Variants in BRINP1 observed in about 807,000 individuals in gnomAD.
BRINP1 encodes the protein BMP/retinoic acid-inducible neural-specific protein 1.
Under a neutral mutation model 72.9 loss-of-function variants are expected in BRINP1, and 17 were observed. That is an observed-to-expected ratio of 0.23 (90% CI 0.16 to 0.35). The LOEUF (loss-of-function observed/expected upper bound fraction) is 0.35, where lower values mean the gene tolerates loss of function less well. Among genes scored for constraint, BRINP1 ranks in the 10% least tolerant of loss-of-function variants. The pLI, the probability that BRINP1 is intolerant of heterozygous loss-of-function variation, is 1.00. For missense variants in BRINP1, 850 were observed against 1,001.6 expected, an observed-to-expected ratio of 0.85 and a Z score of 2.04; for synonymous variants, 418 against 378.5, an observed-to-expected ratio of 1.10 and a Z score of -1.21.
chr9:119,285,335 G>A (rs766116449), intron 2 of BRINP1, among the ~76,000 whole-genome samples: 2 of 152,194 alleles, frequency 1.3e-5, no homozygotes, highest in Non-Finnish European at 2.9e-5. Context: ...GGATGGCAGA[G>A]GGGAATCAAG....
In BRINP1 at chr9:119,329,735, A is replaced by G. The variant is rs117379186; in HGVS notation, c.-50-16330T>C. Among the ~76,000 whole-genome samples the G allele has an allele frequency of 7.1e-3, 1,081 of 152,354 alleles. 12 individuals are homozygous for G. Among genetic ancestry groups the G allele is most frequent in the Non-Finnish European group, 8.3e-3 (566 of 68,030 alleles). The stretch of plus-strand genomic sequence containing the variant: ...GAGGTAACACCAGTAAATTATTTTA[A>G]TAAAACAGGCATAATTCACTGAGCC... On this transcript the variant is annotated intron_variant, in intron 1 of 7. Transcript: ENST00000265922.
chr9:119,252,877 C>A (rs1415382052), intron 2 of BRINP1, among the ~76,000 whole-genome samples: 1 of 152,170 alleles, frequency 6.6e-6, no homozygotes, highest in Non-Finnish European at 1.5e-5. Flanking sequence ...AAACAGCCAT[C>A]ACAGTCTTTG....
intron 7 of BRINP1, 29 bp downstream of exon 7, chr9:119,208,690 G>A: frequency 1.3e-6 from 2 of 1,597,420 alleles, no homozygotes; most frequent in Non-Finnish European, 8.6e-7. Context: ...GTAGGTGCCT[G>A]CAGAGGTGGA....
intron 5 of BRINP1, among the ~76,000 whole-genome samples, chr9:119,225,816 T>C (rs554996170): frequency 6.6e-6 from 1 of 152,126 alleles, no homozygotes; most frequent in Admixed American, 6.6e-5. Flanking sequence ...TTGCACAACA[T>C]TGTGAATGTA....
intron 2 of BRINP1, among the ~76,000 whole-genome samples, chr9:119,270,697 C>T (rs1428418023): frequency 3.3e-5 from 5 of 152,256 alleles, no homozygotes; most frequent in Non-Finnish European, 7.4e-5. Context: ...CAGGTTTATA[C>T]ACAATATACT....
intron 1 of BRINP1, among the ~76,000 whole-genome samples, chr9:119,351,236 GC>G (rs1831505173): frequency 6.6e-6 from 1 of 152,040 alleles, no homozygotes; most frequent in Non-Finnish European, 1.5e-5. Flanking sequence ...AAACTTCCAA[GC>G]TTACATTTTA....
At chr9:119,280,250 T>A (rs1830696243) in intron 2 of BRINP1, among the ~76,000 whole-genome samples, 1 of 151,696 alleles carries the variant, frequency 6.6e-6, no homozygotes, top group Non-Finnish European at 1.5e-5. Context: ...TTTTTTCTTT[T>A]TTTTTTAAGT....
At chr9:119,330,630 G>T (rs1347032104) in intron 1 of BRINP1, among the ~76,000 whole-genome samples, 1 of 152,100 alleles carries the variant, frequency 6.6e-6, no homozygotes, top group African/African-American at 2.4e-5. Context: ...TAAGGCCCAG[G>T]TTCTAACACA....
chr9:119,281,524 G>T (rs942064902), intron 2 of BRINP1, among the ~76,000 whole-genome samples: 1 of 152,164 alleles, frequency 6.6e-6, no homozygotes, highest in Non-Finnish European at 1.5e-5. Context: ...AGGTATCATA[G>T]ATTCTCTATG....
At chr9:119,184,910 C>G (rs1829599321) in intron 7 of BRINP1, among the ~76,000 whole-genome samples, 1 of 152,136 alleles carries the variant, frequency 6.6e-6, no homozygotes, top group Non-Finnish European at 1.5e-5. Context: ...TGACTGTATA[C>G]TGAGTGAGAA....
chr9:119,363,443 C>A (rs186905819), intron 1 of BRINP1, among the ~76,000 whole-genome samples: 6 of 152,240 alleles, frequency 3.9e-5, no homozygotes, highest in Admixed American at 1.3e-4. Context: ...TGCTCTTTCC[C>A]CACAAAATTA....
chr9:119,319,443 A>G (rs1440015537), intron 1 of BRINP1, among the ~76,000 whole-genome samples: 2 of 152,216 alleles, frequency 1.3e-5, no homozygotes, highest in Non-Finnish European at 2.9e-5. Context: ...TGACTTTATT[A>G]ATGGAAATGG....
At chr9:119,325,051 G>C (rs1340800286) in intron 1 of BRINP1, among the ~76,000 whole-genome samples, 1 of 151,906 alleles carries the variant, frequency 6.6e-6, no homozygotes, top group Non-Finnish European at 1.5e-5. Flanking sequence ...AGTGAGCTGA[G>C]ATCACGCCAT....
intron 5 of BRINP1, among the ~76,000 whole-genome samples, chr9:119,228,133 C>G (rs569402993): frequency 4.6e-5 from 7 of 151,968 alleles, no homozygotes; most frequent in Admixed American, 6.6e-5. Flanking sequence ...CCCTCTACCC[C>G]CTTCTTCACT....
chr9:119,349,618 A>T (rs549714713), intron 1 of BRINP1, among the ~76,000 whole-genome samples: 17 of 152,324 alleles, frequency 1.1e-4, no homozygotes, highest in African/African-American at 4.1e-4. Context: ...TTTTTTAATT[A>T]AAAGTGAAGG....
intron 7 of BRINP1, among the ~76,000 whole-genome samples, chr9:119,200,835 T>C (rs908405875): frequency 5.3e-5 from 8 of 151,590 alleles, no homozygotes; most frequent in African/African-American, 1.9e-4. Flanking sequence ...GAAGCTACCA[T>C]AGTGAAGAAC....
intron 5 of BRINP1, among the ~76,000 whole-genome samples, chr9:119,225,354 A>G (rs1435914427): frequency 1.3e-5 from 2 of 152,022 alleles, no homozygotes; most frequent in Non-Finnish European, 2.9e-5. Flanking sequence ...GATTGGTCCT[A>G]GAATCCCACC....
intron 7 of BRINP1, among the ~76,000 whole-genome samples, chr9:119,179,012 A>C (rs1172262782): frequency 6.6e-6 from 1 of 152,136 alleles, no homozygotes; most frequent in Admixed American, 6.5e-5. Context: ...GGGGCTCCCG[A>C]CAAGTGCATA....
chr9:119,190,154 T>A (rs1588159182), intron 7 of BRINP1, among the ~76,000 whole-genome samples: 2 of 151,766 alleles, frequency 1.3e-5, no homozygotes, highest in South Asian at 4.2e-4. Context: ...TATGAAAACC[T>A]ATAGGATGCA....
Sources: allele counts gnomAD v4.1 joint callset (sites outside exome capture counted in the v4.1 genomes callset), GRCh38; gene constraint gnomAD v4.1.1; transcripts MANE v1.5; gene names NCBI Gene and HGNC (gene_info 2026-07-23, HGNC 2026-07-21).